Variants in OR56A3 observed in about 807,000 individuals in gnomAD.
OR56A3 encodes olfactory receptor family 56 subfamily A member 3.
A neutral mutation model predicts 17.5 loss-of-function variants in OR56A3; 23 were observed. The ratio of observed to expected loss-of-function variants is 1.32; its 90% CI spans 0.95 to 1.87. OR56A3 has a LOEUF of 1.87. Among genes scored for constraint, OR56A3 ranks in the 40% most tolerant of loss-of-function variants. OR56A3 has a pLI of 0.00. For missense variants in OR56A3, 366 were observed against 380.1 expected (o/e 0.96, Z 0.31); for synonymous variants, 175 against 150.6 (o/e 1.16, Z -1.19).
chr11:6,013,900 A>G, the OR56A3 span, among the ~76,000 whole-genome samples: 3 of 152,184 alleles, frequency 2.0e-5, no homozygotes, highest in African/African-American at 7.2e-5. Context: ...GCCACCTGGA[A>G]GCAGACGGAT....
At chr11:6,020,364 C>G in the OR56A3 span, 4 of 152,010 alleles carry the variant, frequency 2.6e-5, no homozygotes, top group Non-Finnish European at 4.4e-5. Context: ...GGTAGTTTGA[C>G]TGGAATAGCA....
chr11:5,978,297 G>A, the OR56A3 span, among the ~76,000 whole-genome samples: 1 of 152,158 alleles, frequency 6.6e-6, no homozygotes, highest in Non-Finnish European at 1.5e-5. Context: ...GCTTTGGGCA[G>A]TATGGGGAAT....
the OR56A3 span, among the ~76,000 whole-genome samples, chr11:6,017,903 G>A: frequency 2.0e-5 from 3 of 152,064 alleles, no homozygotes; most frequent in Non-Finnish European, 2.9e-5. Flanking sequence ...AAAGGTGGAC[G>A]GGAGTAACTA....
At chr11:6,013,831 T>G in the OR56A3 span, among the ~76,000 whole-genome samples, 1 of 152,138 alleles carries the variant, frequency 6.6e-6, no homozygotes, top group Non-Finnish European at 1.5e-5. Context: ...ATGTGCTACC[T>G]GGGGGCCTGA....
intron 1 of OR56A3, among the ~76,000 whole-genome samples, 162 bp from the exon 2 acceptor site, chr11:5,944,644 T>G (rs937951603): frequency 2.0e-5 from 3 of 152,198 alleles, no homozygotes; most frequent in African/African-American, 4.8e-5. Context: ...TAGGAAGACA[T>G]GTAAAACCAC....
the OR56A3 span, among the ~76,000 whole-genome samples, chr11:5,972,420 C>G: frequency 7.2e-5 from 11 of 152,108 alleles, no homozygotes; most frequent in African/African-American, 2.4e-4. Context: ...GACCCAGGGT[C>G]TCCTGGCCCA....
downstream of OR56A3, among the ~76,000 whole-genome samples, chr11:5,956,044 T>C (rs1043489614): frequency 4.6e-5 from 7 of 152,242 alleles, no homozygotes; most frequent in African/African-American, 1.4e-4. Flanking sequence ...ATTCTATTTA[T>C]AGCATTCTGT....
chr11:5,969,813 A>G, the OR56A3 span, among the ~76,000 whole-genome samples: 1 of 152,216 alleles, frequency 6.6e-6, no homozygotes, highest in African/African-American at 2.4e-5. Context: ...GGGACAAGTG[A>G]CTGTTGGCTT....
the OR56A3 span, among the ~76,000 whole-genome samples, chr11:5,992,836 C>T: frequency 1.3e-5 from 2 of 152,152 alleles, no homozygotes; most frequent in South Asian, 4.1e-4. Context: ...AGCGAAGCTT[C>T]CCACTCCACC....
the OR56A3 span, among the ~76,000 whole-genome samples, chr11:5,978,240 A>C: frequency 6.6e-6 from 1 of 152,272 alleles, no homozygotes; most frequent in Admixed American, 6.5e-5. Context: ...GATTCTGTGA[A>C]AAATGTCATT....
At chr11:6,002,116 T>C in the OR56A3 span, 1 of 1,613,496 alleles carries the variant, frequency 6.2e-7, no homozygotes, top group Non-Finnish European at 8.5e-7. Flanking sequence ...CCATAAACAA[T>C]GGGGTTCAGA....
chr11:5,951,950 G>A (rs971312237), downstream of OR56A3, among the ~76,000 whole-genome samples: 6 of 151,946 alleles, frequency 3.9e-5, no homozygotes, highest in African/African-American at 7.3e-5. Context: ...GATGAAGGAC[G>A]GAAAGTAATT....
At chr11:5,984,196 C>T in the OR56A3 span, among the ~76,000 whole-genome samples, 3 of 152,294 alleles carry the variant, frequency 2.0e-5, no homozygotes, top group African/African-American at 4.8e-5. Context: ...GCATTAAAGA[C>T]ATTTTTAAAC....
chr11:5,948,510 G>A lies in OR56A3; in HGVS notation c.*216G>A. On this transcript the variant is annotated 3_prime_UTR_variant, in exon 3 of 3. Transcript: ENST00000641160. ...TTGGCCCTCTCTCGTTTTATTCCAT[G>A]CTTATAATCATATTTTGTCCAAAAC... 1 of 507,416 alleles carries A rather than the reference G, an allele frequency of 2.0e-6. No homozygotes were observed. The highest frequency in any genetic ancestry group is 3.5e-6 in the Non-Finnish European group (1 of 288,510). 31.4% of individuals were successfully genotyped at this position (507,416 alleles called of 1,614,324 possible). A position where few individuals can be genotyped will look rare whatever the true frequency, so the allele number is the denominator to read the frequency against.
the OR56A3 span, among the ~76,000 whole-genome samples, chr11:5,976,690 A>C: frequency 6.6e-6 from 1 of 151,518 alleles, no homozygotes; most frequent in African/African-American, 2.4e-5. Context: ...TCTGTTTTCT[A>C]TTTTATTGAC....
chr11:5,963,445 T>G, the OR56A3 span, among the ~76,000 whole-genome samples: 16 of 152,226 alleles, frequency 1.1e-4, no homozygotes, highest in African/African-American at 3.1e-4. Context: ...TTGCTAGGTA[T>G]AGTATTCCTG....
chr11:5,988,010 T>G, the OR56A3 span, among the ~76,000 whole-genome samples: 1 of 152,214 alleles, frequency 6.6e-6, no homozygotes, highest in African/African-American at 2.4e-5. Flanking sequence ...TCAAAAGTTA[T>G]CTTTTTTGCA....
At chr11:5,963,432 G>C in the OR56A3 span, among the ~76,000 whole-genome samples, 1 of 151,924 alleles carries the variant, frequency 6.6e-6, no homozygotes, top group Non-Finnish European at 1.5e-5. Flanking sequence ...TTGAAGGAGA[G>C]CTTTGCTAGG....
chr11:5,964,865 G>T, the OR56A3 span, among the ~76,000 whole-genome samples: 1 of 151,924 alleles, frequency 6.6e-6, no homozygotes, highest in African/African-American at 2.4e-5. Context: ...CCCTAAGATA[G>T]TATCTCTCTC....
Sources: allele counts gnomAD v4.1 joint callset (sites outside exome capture counted in the v4.1 genomes callset), GRCh38; gene constraint gnomAD v4.1.1; transcripts MANE v1.5; gene names NCBI Gene and HGNC (gene_info 2026-07-23, HGNC 2026-07-21).